DPYS: variants seen among roughly 807,000 people sequenced by gnomAD.
DPYS encodes dihydropyrimidinase.
In DPYS, 39 loss-of-function variants were observed where a neutral mutation model predicts 50.3. The ratio of observed to expected loss-of-function variants is 0.78; its 90% CI spans 0.60 to 1.01. The LOEUF (loss-of-function observed/expected upper bound fraction) is 1.01, where lower values mean the gene tolerates loss of function less well. Among genes scored for constraint, DPYS ranks in the 50% least tolerant of loss-of-function variants. The probability of loss-of-function intolerance (pLI) is 0.00; values close to 1 mark genes in which losing one functional copy is unlikely to be tolerated. For synonymous variants in DPYS, 245 were observed against 250.7 expected (o/e 0.98, Z 0.22); for missense variants, 659 against 680.9 (o/e 0.97, Z 0.36).
At chr8:104,436,235 G>C (rs1441655885) in intron 4 of DPYS, among the ~76,000 whole-genome samples, 1 of 152,104 alleles carries the variant, frequency 6.6e-6, no homozygotes, top group Non-Finnish European at 1.5e-5. Context: ...GTCAACATAC[G>C]GACAGCCAAG....
intron 7 of DPYS, among the ~76,000 whole-genome samples, chr8:104,416,056 C>A (rs1287834984): frequency 6.6e-6 from 1 of 152,116 alleles, no homozygotes; most frequent in Non-Finnish European, 1.5e-5. Context: ...CATCATCATG[C>A]CCATTTTGCA....
chr8:104,423,875 AG>A (rs1812633699), intron 7 of DPYS: 4 of 708,312 alleles, frequency 5.6e-6, no homozygotes, highest in Admixed American at 6.3e-5. Flanking sequence ...AGCTTTAAAA[AG>A]GCTGTAATTA....
intron 7 of DPYS, among the ~76,000 whole-genome samples, chr8:104,423,493 A>G (rs186945791): frequency 6.6e-4 from 101 of 152,256 alleles, no homozygotes; most frequent in Middle Eastern, 3.4e-3. Context: ...TACAATAAAA[A>G]CCCTAACAGA....
At chr8:104,397,574 T>G (rs192127302) in intron 7 of DPYS, among the ~76,000 whole-genome samples, 59 of 152,332 alleles carry the variant, frequency 3.9e-4, no homozygotes, top group Admixed American at 1.8e-3. Flanking sequence ...TGATTAGTAA[T>G]GAATAAATAA....
At chr8:104,403,405 A>G (rs550595876) in intron 7 of DPYS, among the ~76,000 whole-genome samples, 1 of 152,154 alleles carries the variant, frequency 6.6e-6, no homozygotes, top group East Asian at 1.9e-4. Flanking sequence ...CCCAGGTCAG[A>G]GAACACGAGG....
chr8:104,396,689 T>C (rs938389987), intron 7 of DPYS, among the ~76,000 whole-genome samples: 4 of 152,178 alleles, frequency 2.6e-5, no homozygotes, highest in African/African-American at 9.7e-5. Flanking sequence ...GTAGCTTTTT[T>C]TGTGGCTAAG....
At chr8:104,429,481 G>A (rs916308793) in intron 5 of DPYS, 64 bp downstream of exon 5, 15 of 1,607,146 alleles carry the variant, frequency 9.3e-6, no homozygotes, top group Admixed American at 3.3e-5. Flanking sequence ...ATGGGAGGAC[G>A]AGCTCCCTTC....
chr8:104,439,493 C>A (rs1188459840), intron 4 of DPYS, among the ~76,000 whole-genome samples: 3 of 152,120 alleles, frequency 2.0e-5, no homozygotes, highest in Admixed American at 2.0e-4. Context: ...TTTTAAAACA[C>A]CAAAGCCAGC....
intron 4 of DPYS, among the ~76,000 whole-genome samples, chr8:104,433,098 C>A (rs1813009553): frequency 6.6e-6 from 1 of 152,076 alleles, no homozygotes; most frequent in Non-Finnish European, 1.5e-5. Flanking sequence ...ATCTATAAGC[C>A]AAGAAGAAAA....
intron 6 of DPYS, among the ~76,000 whole-genome samples, chr8:104,427,557 G>A (rs1257862019): frequency 6.6e-6 from 1 of 151,950 alleles, no homozygotes; most frequent in East Asian, 2.0e-4. Flanking sequence ...GGGATTACAG[G>A]TGTGAGCCAC....
At chr8:104,380,033 C>A (rs565025454) in intron 9 of DPYS, among the ~76,000 whole-genome samples, 190 bp from the exon 10 acceptor site, 85 of 152,166 alleles carry the variant, frequency 5.6e-4, no homozygotes, top group Non-Finnish European at 1.1e-3. Context: ...GAATTTTTAA[C>A]AAAATCATCC....
At chr8:104,436,944 G>C in intron 4 of DPYS, among the ~76,000 whole-genome samples, 1 of 152,138 alleles carries the variant, frequency 6.6e-6, no homozygotes, top group Non-Finnish European at 1.5e-5. Flanking sequence ...AAAAAAGAGC[G>C]CTTAGAGAAC....
At chr8:104,381,803 CT>C (rs1811054527) in intron 8 of DPYS, among the ~76,000 whole-genome samples, 1 of 151,226 alleles carries the variant, frequency 6.6e-6, no homozygotes, top group Non-Finnish European at 1.5e-5. Flanking sequence ...CAGCAGAACC[CT>C]CTGCTGGATT....
At chr8:104,391,259 T>C (rs529090794) in intron 8 of DPYS, among the ~76,000 whole-genome samples, 2 of 151,048 alleles carry the variant, frequency 1.3e-5, no homozygotes, top group East Asian at 3.9e-4. Context: ...TCCAAATGAA[T>C]TGAATCAAAA....
intron 8 of DPYS, among the ~76,000 whole-genome samples, chr8:104,385,464 T>G (rs1231262419): frequency 1.3e-5 from 2 of 152,216 alleles, no homozygotes; most frequent in African/African-American, 4.8e-5. Context: ...CTAATTTGAT[T>G]ATGGTATTTT....
At position 104,438,811 on chromosome 8, in the gene DPYS, G is replaced by T. The variant is rs139089934; in HGVS notation, c.793+5437C>A. Among the ~76,000 whole-genome samples, 328 of 152,216 alleles carry T rather than the reference G, an allele frequency of 2.2e-3. 1 individual carries two copies. Among genetic ancestry groups the T allele is most frequent in the African/African-American group, 5.9e-3 (246 of 41,536 alleles). On this transcript the variant is annotated intron_variant, in intron 4 of 9. Coordinates refer to ENST00000351513, the MANE Select transcript of DPYS (RefSeq NM_001385.3). ...AGAGAAGAGATGTCAGGCTGGGCGT[G>T]GTGGCTCACAGCTCTAATCCCAGCT...
intron 7 of DPYS, among the ~76,000 whole-genome samples, chr8:104,411,247 T>C (rs1405104098): frequency 6.6e-6 from 1 of 152,212 alleles, no homozygotes; most frequent in Non-Finnish European, 1.5e-5. Flanking sequence ...GAACATGCAA[T>C]CAATATATGT....
rs568660806 is a variant in DPYS, at chr8:104,405,835, G to A, written c.1236-12844C>T. On this transcript the variant is annotated intron_variant, in intron 7 of 9. Transcript: ENST00000351513. ...TGAGGACATCCATGCTGGAGGGGGT[G>A]GAGGGGAGCAGCGCCCAGGAGGGCA... 6.6e-4 allele frequency among the ~76,000 whole-genome samples: 100 copies of A among 152,368 alleles called. 1 individual carries two copies. The highest frequency in any genetic ancestry group is 1.2e-4 in the Non-Finnish European group (8 of 68,040).
intron 2 of DPYS, among the ~76,000 whole-genome samples, chr8:104,448,386 C>T (rs909687599): frequency 6.6e-6 from 1 of 152,066 alleles, no homozygotes; most frequent in Non-Finnish European, 1.5e-5. Context: ...GCATTCCCGA[C>T]CTCAAGTCAT....
Sources: allele counts gnomAD v4.1 joint callset (sites outside exome capture counted in the v4.1 genomes callset), GRCh38; gene constraint gnomAD v4.1.1; transcripts MANE v1.5; gene names NCBI Gene and HGNC (gene_info 2026-07-23, HGNC 2026-07-21).